CNTNAP2: variants seen among roughly 807,000 people sequenced by gnomAD.
The protein encoded by CNTNAP2 is contactin-associated protein-like 2.
In CNTNAP2, 98 loss-of-function variants were observed where a neutral mutation model predicts 155.2. The observed-to-expected ratio is 0.63, with a 90% CI of 0.54 to 0.75. The LOEUF (loss-of-function observed/expected upper bound fraction) is 0.75, where lower values mean the gene tolerates loss of function less well. Among genes scored for constraint, CNTNAP2 ranks in the 30% least tolerant of loss-of-function variants. The pLI, the probability that CNTNAP2 is intolerant of heterozygous loss-of-function variation, is 0.00. For synonymous variants in CNTNAP2, 651 were observed against 631.2 expected (o/e 1.03, Z -0.47); for missense variants, 1,727 against 1,688.1 (o/e 1.02, Z -0.40).
intron 21 of CNTNAP2, among the ~76,000 whole-genome samples, chr7:148,276,976 G>A (rs1260771759): frequency 6.6e-6 from 1 of 152,240 alleles, no homozygotes; most frequent in East Asian, 1.9e-4. Flanking sequence ...GTTTAAAGCT[G>A]ATTCTGACTT....
At chr7:148,245,794 CA>C (rs1332815906) in intron 20 of CNTNAP2, among the ~76,000 whole-genome samples, 2 of 152,162 alleles carry the variant, frequency 1.3e-5, no homozygotes, top group Non-Finnish European at 2.9e-5. Flanking sequence ...GGTACACACA[CA>C]CACACACTCA....
At chr7:146,837,373 G>A (rs972310361) in intron 2 of CNTNAP2, among the ~76,000 whole-genome samples, 5 of 151,876 alleles carry the variant, frequency 3.3e-5, no homozygotes, top group Non-Finnish European at 5.9e-5. Context: ...TTCTATTTCA[G>A]ATGTAATTCT....
chr7:148,159,371 C>T (rs920944429), intron 17 of CNTNAP2, among the ~76,000 whole-genome samples: 5 of 152,244 alleles, frequency 3.3e-5, no homozygotes, highest in South Asian at 2.1e-4. Flanking sequence ...TGTGGAAATT[C>T]GTGTTGTCTC....
chr7:146,284,630 C>A (rs1800299194), intron 1 of CNTNAP2, among the ~76,000 whole-genome samples: 1 of 152,034 alleles, frequency 6.6e-6, no homozygotes. Flanking sequence ...TCTTTGTTAT[C>A]TGATGTTCTT....
chr7:147,699,788 C>T (rs1232157128), intron 13 of CNTNAP2, among the ~76,000 whole-genome samples: 1 of 152,066 alleles, frequency 6.6e-6, no homozygotes, highest in Non-Finnish European at 1.5e-5. Flanking sequence ...TAGTCCTAAA[C>T]ATTTCATCAC....
intron 18 of CNTNAP2, among the ~76,000 whole-genome samples, chr7:148,201,434 G>A (rs1380751964): frequency 6.6e-6 from 1 of 152,112 alleles, no homozygotes; most frequent in Non-Finnish European, 1.5e-5. Context: ...CAGCTCATTA[G>A]CCTTGAAATT....
intron 1 of CNTNAP2, among the ~76,000 whole-genome samples, chr7:146,405,781 A>G (rs1795782406): frequency 6.6e-6 from 1 of 152,226 alleles, no homozygotes; most frequent in Non-Finnish European, 1.5e-5. Flanking sequence ...ACATTTAGCT[A>G]TAAGATATAC....
intron 2 of CNTNAP2, among the ~76,000 whole-genome samples, chr7:146,788,262 C>T (rs1045734848): frequency 6.6e-6 from 1 of 152,220 alleles, no homozygotes; most frequent in Non-Finnish European, 1.5e-5. Context: ...CCCCACAGCA[C>T]AGCAGCGGGC....
intron 15 of CNTNAP2, among the ~76,000 whole-genome samples, chr7:148,014,827 G>C (rs1388722952): frequency 6.6e-6 from 1 of 152,186 alleles, no homozygotes; most frequent in Non-Finnish European, 1.5e-5. Context: ...GAAAACATCA[G>C]CCAACTGCAG....
At chr7:147,495,567 T>A (rs1447472610) in intron 11 of CNTNAP2, among the ~76,000 whole-genome samples, 2 of 152,210 alleles carry the variant, frequency 1.3e-5, no homozygotes, top group Non-Finnish European at 1.5e-5. Flanking sequence ...TTGTCTACTA[T>A]GTAGTCAATT....
At chr7:148,091,899 A>C (rs996770947) in intron 15 of CNTNAP2, among the ~76,000 whole-genome samples, 3 of 152,204 alleles carry the variant, frequency 2.0e-5, no homozygotes, top group African/African-American at 7.2e-5. Flanking sequence ...CTAGGCCAAG[A>C]GGCACAGGAT....
At chr7:147,379,982 A>T (rs1274362033) in intron 9 of CNTNAP2, among the ~76,000 whole-genome samples, 1 of 152,050 alleles carries the variant, frequency 6.6e-6, no homozygotes, top group African/African-American at 2.4e-5. Context: ...AACTTAAAAG[A>T]TGTATGTTAC....
intron 1 of CNTNAP2, among the ~76,000 whole-genome samples, chr7:146,129,108 A>C (rs575912958): frequency 6.6e-6 from 1 of 152,302 alleles, no homozygotes; most frequent in East Asian, 1.9e-4. Flanking sequence ...AGTAGTCTTC[A>C]TATTGTGATA....
rs570586182 is a variant in CNTNAP2 at position 147,080,224 on chromosome 7, T to G, written c.551-27923T>G. ...ACCCTGTCACCATGCCTGGAGGCAA[T>G]TAAGTATAAGGGAGTAGTGTTTCAA... On this transcript the variant is annotated intron_variant, in intron 4 of 23. Coordinates refer to ENST00000361727, the MANE Select transcript of CNTNAP2 (RefSeq NM_014141.6). 9.0e-4 allele frequency among the ~76,000 whole-genome samples: 137 copies of G among 152,290 alleles called. 1 individual carries two copies. Among genetic ancestry groups the G allele is most frequent in the Middle Eastern group, 6.8e-3 (2 of 294 alleles).
chr7:148,219,001 G>A (rs1387865789), intron 19 of CNTNAP2, among the ~76,000 whole-genome samples: 4 of 136,610 alleles, frequency 2.9e-5, no homozygotes, highest in Non-Finnish European at 6.0e-5. Flanking sequence ...GGAGTGCAGT[G>A]GCGCAATCTC....
intron 9 of CNTNAP2, among the ~76,000 whole-genome samples, chr7:147,381,395 A>C (rs903888961): frequency 1.3e-5 from 2 of 152,182 alleles, no homozygotes; most frequent in African/African-American, 2.4e-5. Context: ...ACTTATAAGA[A>C]AAAATCAGTA....
At chr7:146,272,170 AG>A (rs1413284394) in intron 1 of CNTNAP2, among the ~76,000 whole-genome samples, 2 of 152,182 alleles carry the variant, frequency 1.3e-5, no homozygotes, top group South Asian at 4.1e-4. Context: ...TCATTGTGGA[AG>A]GGGAAGCAAA....
chr7:148,061,053 AT>A (rs959452425), intron 15 of CNTNAP2, among the ~76,000 whole-genome samples: 7 of 152,230 alleles, frequency 4.6e-5, no homozygotes, highest in African/African-American at 1.4e-4. Context: ...GATTTACTTA[AT>A]TTTTTTAAAT....
rs147392313 is a variant in CNTNAP2, at chr7:147,627,421, G to A, written c.1898-11685G>A. Among the ~76,000 whole-genome samples, 45 of 152,196 alleles carry A rather than the reference G, an allele frequency of 3.0e-4. 1 individual carries two copies. The East Asian group carries it at 7.4e-3, about 25-fold the overall frequency. On this transcript the variant is annotated intron_variant, in intron 12 of 23. Transcript: ENST00000361727. The stretch of plus-strand genomic sequence containing the variant: ...ACTTAAAGATATTAAAACAAGGTGG[G>A]GCATGGTGGCTCACGCCTGAAATCC...
Sources: allele counts gnomAD v4.1 joint callset (sites outside exome capture counted in the v4.1 genomes callset), GRCh38; gene constraint gnomAD v4.1.1; transcripts MANE v1.5; gene names NCBI Gene and HGNC (gene_info 2026-07-23, HGNC 2026-07-21).